Variants in GNA15 observed in about 807,000 individuals in gnomAD.
The protein encoded by GNA15 is G protein subunit alpha 15.
A neutral mutation model predicts 40.1 loss-of-function variants in GNA15; 23 were observed. The observed-to-expected ratio is 0.57, with a 90% CI of 0.41 to 0.81. GNA15 has a LOEUF of 0.81. GNA15 is among the 40% of genes least tolerant of loss of function. The pLI, the probability that GNA15 is intolerant of heterozygous loss-of-function variation, is 0.00. For missense variants in GNA15, 522 were observed against 515.8 expected (o/e 1.01, Z -0.12); for synonymous variants, 226 against 210.4 (o/e 1.07, Z -0.64).
chr19:3,147,647 T>A (rs369182908), intron 1 of GNA15, among the ~76,000 whole-genome samples: 55 of 146,664 alleles, frequency 3.8e-4, no homozygotes, highest in African/African-American at 1.2e-3. Flanking sequence ...TGGCTCACGC[T>A]TGTAATCCCA....
intron 4 of GNA15, among the ~76,000 whole-genome samples, chr19:3,152,862 T>C (rs1424550573): frequency 1.3e-5 from 2 of 152,124 alleles, no homozygotes; most frequent in Non-Finnish European, 2.9e-5. Flanking sequence ...AATTTATCTG[T>C]TTTCTGTGGG....
chr19:3,147,089 C>T (rs979656999), intron 1 of GNA15, among the ~76,000 whole-genome samples: 1 of 152,060 alleles, frequency 6.6e-6, no homozygotes, highest in African/African-American at 2.4e-5. Flanking sequence ...AGAGGCCTTC[C>T]TTGACTGCTC....
rs761540533 is a variant in GNA15, at chr19:3,136,568, C to T, written c.118C>T (p.Arg40Cys). 8.9e-6 allele frequency: 14 copies of T among 1,565,404 alleles called. No homozygotes were observed. The highest frequency in any genetic ancestry group is 1.4e-5 in the African/African-American group (1 of 73,782). ...RILLEQKKQD[R>C]GELKLLLLGP... ...CCTCTTGGAGCAGAAGAAGCAGGAC[C>T]GCGGGGAGCTGAAGCTGCTGCTTTT... Residue 40 changes from arginine (R) to cysteine (C), a missense_variant, in exon 1 of 7, where the codon CGC (arginine) becomes TGC (cysteine). By Grantham distance (180) the Arg-to-Cys change is radical. Coordinates refer to ENST00000262958, the MANE Select transcript of GNA15 (RefSeq NM_002068.4). The surrounding 1 kb of genome is among the most constrained non-coding windows in gnomAD (Gnocchi z 4.9).
At chr19:3,139,296 G>T (rs1388285181) in intron 1 of GNA15, among the ~76,000 whole-genome samples, 3 of 152,050 alleles carry the variant, frequency 2.0e-5, no homozygotes, top group Admixed American at 6.6e-5. Flanking sequence ...CGAGATAAAA[G>T]AATATCTCAG....
chr19:3,159,170 G>A (rs11882508), intron 6 of GNA15, among the ~76,000 whole-genome samples: 9,838 of 146,980 alleles, frequency 0.067, 624 homozygotes, highest in African/African-American at 0.17. Flanking sequence ...GATTACAGGT[G>A]CCCGCCAGAA....
At chr19:3,138,674 A>G (rs1220570119) in intron 1 of GNA15, among the ~76,000 whole-genome samples, 1 of 152,038 alleles carries the variant, frequency 6.6e-6, no homozygotes, top group Non-Finnish European at 1.5e-5. Context: ...TCTGTCACCC[A>G]GGCTGGGGTG....
chr19:3,146,599 C>T (rs1914726471), intron 1 of GNA15: 1 of 152,204 alleles, frequency 6.6e-6, no homozygotes. Context: ...AAGGTCAGGT[C>T]GATTCTGTCT....
intron 4 of GNA15, chr19:3,154,898 G>A (rs1054899231): frequency 2.6e-5 from 4 of 152,176 alleles, no homozygotes; most frequent in African/African-American, 9.7e-5. Context: ...AATGAATGGA[G>A]TGAGGGCTCA....
Position 3,143,657 on chromosome 19 carries a change from A to C in GNA15, c.146-4934A>C, listed in dbSNP as rs145092956. 7.6e-3 allele frequency among the ~76,000 whole-genome samples: 1,157 copies of C among 152,078 alleles called. 17 individuals are homozygous for C. The highest frequency in any genetic ancestry group is 0.027 in the African/African-American group (1,102 of 41,488). Reference sequence around the variant, plus strand: ...GACAGAGTGAGACCCTGTCTCAAAAATAATAATAATAATAAAAAATAAAAG... The same window carrying C: ...GACAGAGTGAGACCCTGTCTCAAAACTAATAATAATAATAAAAAATAAAAG... On this transcript the variant is annotated intron_variant, in intron 1 of 6. Transcript: ENST00000262958.
At position 3,136,803 on chromosome 19, in the gene GNA15, G is replaced by A. The variant is rs549281796; in HGVS notation, c.145+208G>A. 6.6e-6 allele frequency among the ~76,000 whole-genome samples: 1 copy of A among 152,260 alleles called. No homozygotes were observed. Among genetic ancestry groups the A allele is most frequent in the East Asian group, 1.9e-4 (1 of 5,194 alleles). ...AAGCCAAGTTCCTTGTCCAACGTGC[G>A]ACCAGCGGCCAGGTGCCCAGGCCTG... On this transcript the variant is annotated intron_variant, in intron 1 of 6. Transcript: ENST00000262958. The surrounding 1 kb of genome is among the most constrained non-coding windows in gnomAD (Gnocchi z 4.9).
At chr19:3,154,594 G>T (rs1359731879) in intron 4 of GNA15, among the ~76,000 whole-genome samples, 1 of 150,940 alleles carries the variant, frequency 6.6e-6, no homozygotes, top group Admixed American at 6.6e-5. Context: ...ATGGATAGAT[G>T]GGTAGATGGA....
chr19:3,148,848 G>A, intron 2 of GNA15, 73 bp downstream of exon 2: 1 of 1,439,254 alleles, frequency 6.9e-7, no homozygotes, highest in Non-Finnish European at 9.3e-7. Flanking sequence ...CCCCGGAGCA[G>A]GGCCAAGTTC....
intron 1 of GNA15, among the ~76,000 whole-genome samples, chr19:3,145,359 A>ATATTTTTTT: frequency 5.3e-4 from 25 of 46,968 alleles, no homozygotes; most frequent in African/African-American, 1.5e-3. Context: ...ATATATATAT[A>ATATTTTTTT]TTTTTTTTTT....
At chr19:3,139,343 T>G (rs1237880047) in intron 1 of GNA15, among the ~76,000 whole-genome samples, 1 of 152,028 alleles carries the variant, frequency 6.6e-6, no homozygotes, top group Non-Finnish European at 1.5e-5. Flanking sequence ...TCTTAGCACT[T>G]TGGGAGGCCT....
intron 1 of GNA15, among the ~76,000 whole-genome samples, chr19:3,140,067 C>CTATG (rs1914546176): frequency 6.6e-6 from 1 of 150,902 alleles, no homozygotes; most frequent in Non-Finnish European, 1.5e-5. Context: ...ATCTATCTAT[C>CTATG]TATCTATCTA....
intron 1 of GNA15, among the ~76,000 whole-genome samples, chr19:3,145,359 A>ATATATATATATATATATATT: frequency 2.8e-4 from 13 of 46,964 alleles, no homozygotes; most frequent in East Asian, 1.5e-3. Context: ...ATATATATAT[A>ATATATATATATATATATATT]TTTTTTTTTT....
At chr19:3,147,648 T>G (rs930288529) in intron 1 of GNA15, among the ~76,000 whole-genome samples, 2 of 151,538 alleles carry the variant, frequency 1.3e-5, no homozygotes, top group Non-Finnish European at 2.9e-5. Flanking sequence ...GGCTCACGCT[T>G]GTAATCCCAG....
intron 1 of GNA15, among the ~76,000 whole-genome samples, chr19:3,145,990 C>T (rs549009588): frequency 3.6e-4 from 55 of 152,264 alleles, no homozygotes; most frequent in African/African-American, 1.0e-3. Flanking sequence ...GAGTTGGAGG[C>T]GTTGGAGACA....
rs1288462652 is a variant in GNA15, at chr19:3,151,835, G to A, written c.614G>A (p.Arg205Gln). The A allele has an allele frequency of 5.0e-6, 8 of 1,606,684 alleles. No individual in the cohort carries two copies. Among genetic ancestry groups the A allele is most frequent in the East Asian group, 4.5e-5 (2 of 44,472 alleles). ...TTCTCCGTGCAGAAAACCAACCTGCGGTGAGCGCTCCACCTAGGCCCAGCC... is the reference window on the plus strand; with the variant it reads ...TTCTCCGTGCAGAAAACCAACCTGCAGTGAGCGCTCCACCTAGGCCCAGCC... ...YCFSVQKTNL[R>Q]IVDVGGQKSE... is the part of the protein sequence containing the mutation. The change falls in exon 4 of 7, where the codon CGG becomes CAG. Residue 205 changes from arginine to glutamine, a missense_variant and splice_region_variant. Transcript: ENST00000262958. The surrounding 1 kb of genome is among the most constrained non-coding windows in gnomAD (Gnocchi z 5.0).
Sources: gnomAD v4.1 joint callset for allele counts (sites outside exome capture counted in the v4.1 genomes callset) on GRCh38, gnomAD v4.1.1 for gene constraint, Gnocchi (gnomAD v3.1) non-coding constraint, MANE v1.5 for transcripts, NCBI Gene and HGNC (gene_info 2026-07-23, HGNC 2026-07-21) for gene names.